The following SCN9A variants were observed in gnomAD, a reference collection of about 807,000 sequenced individuals.
The protein encoded by SCN9A is sodium voltage-gated channel alpha subunit 9.
SCN9A carries 131 observed loss-of-function variants against 187.0 expected under a neutral mutation model. The observed-to-expected ratio is 0.70, with a 90% CI of 0.61 to 0.81. The LOEUF is 0.81. Ranked by LOEUF, SCN9A falls within the 30% of genes least tolerant of loss-of-function variation. The pLI, the probability that SCN9A is intolerant of heterozygous loss-of-function variation, is 0.00. For missense variants in SCN9A, 2,252 were observed against 2,396.6 expected (o/e 0.94, Z 1.26); for synonymous variants, 809 against 808.6 (o/e 1.00, Z -0.01).
chr2:166,227,751 A>C (rs1337548083), intron 22 of SCN9A, 28 bp from the exon 23 acceptor site: 1 of 1,146,716 alleles, frequency 8.7e-7, no homozygotes, highest in East Asian at 2.6e-5. Context: ...ATAGAATTTG[A>C]ATGTTAAGCT....
chr2:166,298,973 CA>C (rs1387719491), intron 7 of SCN9A: 1 of 152,196 alleles, frequency 6.6e-6, no homozygotes, highest in Non-Finnish European at 1.5e-5. Flanking sequence ...CACTCTCAGG[CA>C]ATGATCCCAT....
In SCN9A at chr2:166,198,601, C is replaced by A; in HGVS notation, c.*71G>T. The A allele has an allele frequency of 1.7e-6, 2 of 1,200,884 alleles. No homozygotes were observed. Among genetic ancestry groups the A allele is most frequent in the Non-Finnish European group, 2.3e-6 (2 of 871,060 alleles). 74.4% of individuals were successfully genotyped at this position (1,200,884 alleles called of 1,614,324 possible). On this transcript the variant is annotated 3_prime_UTR_variant, in exon 27 of 27. Coordinates refer to ENST00000642356, the MANE Select transcript of SCN9A (RefSeq NM_001365536.1). ...ATAAAAAGGATTTTGGCATAGACTT[C>A]CTCAAAAGAGTTTTATTAACACAAA...
chr2:166,329,113 T>C (rs1178987254), intron 1 of SCN9A, among the ~76,000 whole-genome samples: 1 of 152,152 alleles, frequency 6.6e-6, no homozygotes, highest in Non-Finnish European at 1.5e-5. Flanking sequence ...ATCAATTAAA[T>C]TGATTATCTG....
chr2:166,326,887 T>C (rs972621522), intron 1 of SCN9A, among the ~76,000 whole-genome samples: 2 of 152,130 alleles, frequency 1.3e-5, no homozygotes, highest in Non-Finnish European at 2.9e-5. Context: ...TAGGGAGTCT[T>C]GGAGCTTGAG....
chr2:166,329,368 G>C (rs1031648126), intron 1 of SCN9A, among the ~76,000 whole-genome samples: 2 of 152,008 alleles, frequency 1.3e-5, no homozygotes, highest in African/African-American at 4.8e-5. Flanking sequence ...ATATTATACT[G>C]ATATTCCTTT....
intron 24 of SCN9A, among the ~76,000 whole-genome samples, chr2:166,215,804 A>C (rs1411011023): frequency 6.6e-6 from 1 of 150,556 alleles, no homozygotes; most frequent in Non-Finnish European, 1.5e-5. Flanking sequence ...GGAAAAGGTC[A>C]CTGGTGAATT....
In SCN9A at chr2:166,282,332, G is replaced by C. The variant is rs556511112; in HGVS notation, c.1975-524C>G. 1.9e-3 allele frequency among the ~76,000 whole-genome samples: 287 copies of C among 152,234 alleles called. 1 individual carries two copies. Among genetic ancestry groups the C allele is most frequent in the African/African-American group, 6.5e-3 (271 of 41,558 alleles). ...ACTGCCAAGGAAGACCTCATGAACT[G>C]AGCAGAGCATATGATGATAAATGAC... On this transcript the variant is annotated intron_variant, in intron 12 of 26. Coordinates refer to ENST00000642356, the MANE Select transcript of SCN9A (RefSeq NM_001365536.1).
At chr2:166,289,003 A>G (rs1272847049) in intron 9 of SCN9A, among the ~76,000 whole-genome samples, 1 of 152,098 alleles carries the variant, frequency 6.6e-6, no homozygotes, top group African/African-American at 2.4e-5. Flanking sequence ...TTAAAATTCT[A>G]TCTTTTCTTT....
At position 166,272,429 on chromosome 2, in the gene SCN9A, G is replaced by A; in HGVS notation, c.3321C>T (p.Ser1107=). Residue 1107 remains serine (S), a synonymous_variant, in exon 17 of 27, where the codon AGC becomes AGT. Coordinates refer to ENST00000642356, the MANE Select transcript of SCN9A (RefSeq NM_001365536.1). ...DLENMNAEEL[S]SDSDSEYSKV... ...TGCTGTATTCACTATCCGAATCACTGCTAAGTTCCTCAGCATTCATATTTT... is the reference window on the plus strand; with the variant it reads ...TGCTGTATTCACTATCCGAATCACTACTAAGTTCCTCAGCATTCATATTTT... The A allele has an allele frequency of 1.2e-6, 2 of 1,605,286 alleles. No homozygotes were observed. Among genetic ancestry groups the A allele is most frequent in the South Asian group, 1.1e-5 (1 of 89,968 alleles).
intron 24 of SCN9A, among the ~76,000 whole-genome samples, chr2:166,224,180 C>G (rs931319828): frequency 6.6e-6 from 1 of 152,018 alleles, no homozygotes; most frequent in Non-Finnish European, 1.5e-5. Context: ...CTTAATTTAT[C>G]CTATGCAGGG....
At chr2:166,214,329 A>G (rs935444911) in intron 24 of SCN9A, among the ~76,000 whole-genome samples, 1 of 152,004 alleles carries the variant, frequency 6.6e-6, no homozygotes, top group African/African-American at 2.4e-5. Flanking sequence ...CCCCATGGAA[A>G]CCATTAGGCT....
At chr2:166,296,030 T>TA (rs1248621005) in intron 7 of SCN9A, 23 of 152,166 alleles carry the variant, frequency 1.5e-4, no homozygotes, top group Non-Finnish European at 1.5e-5. Flanking sequence ...CAGGTCAAAT[T>TA]AAAAAATCTG....
chr2:166,296,915 C>T (rs1297894403), intron 7 of SCN9A, among the ~76,000 whole-genome samples: 3 of 151,996 alleles, frequency 2.0e-5, no homozygotes, highest in African/African-American at 7.2e-5. Context: ...GAATGAATCA[C>T]GGCCGGGCGC....
intron 7 of SCN9A, among the ~76,000 whole-genome samples, chr2:166,295,203 A>T (rs770064524): frequency 2.0e-5 from 3 of 152,188 alleles, no homozygotes; most frequent in Non-Finnish European, 4.4e-5. Flanking sequence ...AGCCAGCAAG[A>T]TGGCCAGTGT....
chr2:166,294,279 C>T (rs188560815), intron 8 of SCN9A, among the ~76,000 whole-genome samples: 1 of 152,114 alleles, frequency 6.6e-6, no homozygotes, highest in African/African-American at 2.4e-5. Flanking sequence ...TGTGACTCTT[C>T]GTTTTCCAGA....
chr2:166,228,019 A>T (rs774937099), intron 22 of SCN9A, among the ~76,000 whole-genome samples: 34 of 152,120 alleles, frequency 2.2e-4, no homozygotes, highest in Non-Finnish European at 4.3e-4. Flanking sequence ...GACAGGAAAC[A>T]TCTTTTCTCC....
At chr2:166,358,572 T>A (rs751523153) in intron 1 of SCN9A, among the ~76,000 whole-genome samples, 5 of 152,198 alleles carry the variant, frequency 3.3e-5, no homozygotes, top group Admixed American at 1.3e-4. Flanking sequence ...TTTTTTTCTG[T>A]GGTATACAAT....
intron 10 of SCN9A, 24 bp downstream of exon 10, chr2:166,288,413 G>T (rs199812825): frequency 2.3e-5 from 37 of 1,579,936 alleles, no homozygotes; most frequent in Non-Finnish European, 3.2e-5. Flanking sequence ...CCTCTAGGAA[G>T]AATTTTAAAT....
intron 17 of SCN9A, among the ~76,000 whole-genome samples, chr2:166,262,642 T>A (rs1310720754): frequency 1.3e-5 from 2 of 151,992 alleles, no homozygotes; most frequent in African/African-American, 4.8e-5. Context: ...TGTAGTATAA[T>A]GATTACAGCT....
Sources: gnomAD v4.1 joint callset for allele counts (sites outside exome capture counted in the v4.1 genomes callset) on GRCh38, gnomAD v4.1.1 for gene constraint, MANE v1.5 for transcripts, NCBI Gene and HGNC (gene_info 2026-07-23, HGNC 2026-07-21) for gene names.